The following CSNK2A1 variants were observed in gnomAD, a reference collection of about 807,000 sequenced individuals.
CSNK2A1 encodes the protein casein kinase 2 alpha 1.
A neutral mutation model predicts 62.9 loss-of-function variants in CSNK2A1; 10 were observed. The observed-to-expected ratio is 0.16, with a 90% confidence interval of 0.10 to 0.27. The LOEUF is 0.27. Among genes scored for constraint, CSNK2A1 ranks in the 10% least tolerant of loss-of-function variants. The pLI is 1.00. For synonymous variants in CSNK2A1, 124 were observed against 167.8 expected (o/e 0.74, Z 2.02); for missense variants, 160 against 492.0 (o/e 0.33, Z 6.38).
intron 4 of CSNK2A1, chr20:503,228 T>A: frequency 2.9e-6 from 1 of 347,608 alleles, no homozygotes; most frequent in Non-Finnish European, 5.2e-6. Flanking sequence ...CCGTGCAACC[T>A]TCAACTTCCA....
chr20:492,416 C>T lies in CSNK2A1; in HGVS notation c.511-52G>A, dbSNP rs1476004428. The T allele has an allele frequency of 3.2e-6, 5 of 1,569,720 alleles. No homozygotes were observed. The South Asian group carries it at 4.5e-5, about 14-fold the overall frequency. The stretch of plus-strand genomic sequence containing the variant: ...CTTATCTTTCTCTAAGCTACCCACA[C>T]TGTGCCATTAGCATACTCTTGATAA... On this transcript the variant is annotated intron_variant, in intron 8 of 13. Transcript: ENST00000217244.
At chr20:540,537 C>T (rs1483499140) in intron 1 of CSNK2A1, among the ~76,000 whole-genome samples, 1 of 152,140 alleles carries the variant, frequency 6.6e-6, no homozygotes, top group African/African-American at 2.4e-5. Context: ...AAAGTATGTC[C>T]TAGGCCTTTT....
chr20:506,366 G>A (rs953742114), intron 3 of CSNK2A1: 1 of 152,212 alleles, frequency 6.6e-6, no homozygotes, highest in South Asian at 2.1e-4. Context: ...TCCAGGGCAA[G>A]CTCTGGGGAT....
chr20:536,072 C>A (rs1199642809), intron 1 of CSNK2A1, among the ~76,000 whole-genome samples: 1 of 152,070 alleles, frequency 6.6e-6, no homozygotes, highest in South Asian at 2.1e-4. Context: ...GCAAAAGAAT[C>A]CTAGACTCAC....
intron 2 of CSNK2A1, among the ~76,000 whole-genome samples, chr20:516,562 T>A (rs1212517749): frequency 1.3e-5 from 2 of 152,184 alleles, no homozygotes; most frequent in Non-Finnish European, 2.9e-5. Flanking sequence ...ACAGCAGAAT[T>A]AATTTCAATA....
Position 499,747 on chromosome 20 carries a change from G to A in CSNK2A1, c.315+86C>T. On this transcript the variant is annotated intron_variant, in intron 5 of 13. Coordinates refer to ENST00000217244, the MANE Select transcript of CSNK2A1 (RefSeq NM_177559.3). This position sits in a 1 kb window ranked among gnomAD's most constrained non-coding sequence, Gnocchi z 4.2. ...AGCAGGACTTAATGATGAGGGTTGG[G>A]GGAGGGAACAAAAAGAGGCCAGTTG... 8.1e-7 allele frequency: 1 copy of A among 1,229,846 alleles called. No homozygotes were observed. Among genetic ancestry groups the A allele is most frequent in the Non-Finnish European group, 1.2e-6 (1 of 837,206 alleles). 76.2% of individuals were successfully genotyped at this position (1,229,846 alleles called of 1,614,324 possible). A position where few individuals can be genotyped will look rare whatever the true frequency, so the allele number is the denominator to read the frequency against.
intron 7 of CSNK2A1, among the ~76,000 whole-genome samples, chr20:497,503 G>C (rs1215495692): frequency 1.3e-5 from 2 of 151,576 alleles, no homozygotes; most frequent in Non-Finnish European, 2.9e-5. Flanking sequence ...ACCCAGGCTG[G>C]TCTTTTGATC....
chr20:524,380 C>T (rs1425205412), intron 2 of CSNK2A1, among the ~76,000 whole-genome samples: 2 of 148,076 alleles, frequency 1.4e-5, no homozygotes, highest in Non-Finnish European at 1.5e-5. Context: ...CAAGATAACG[C>T]CATTGCATTC....
intron 1 of CSNK2A1, chr20:540,006 T>A (rs2019413562): frequency 1.3e-5 from 2 of 152,224 alleles, no homozygotes; most frequent in African/African-American, 4.8e-5. Flanking sequence ...CTAGGGAATC[T>A]CCATTCCATT....
chr20:509,861 G>A (rs1191093345), intron 2 of CSNK2A1, among the ~76,000 whole-genome samples: 1 of 152,168 alleles, frequency 6.6e-6, no homozygotes, highest in East Asian at 1.9e-4. Context: ...ACAGATGTGA[G>A]CCACCGCACC....
At chr20:492,183 T>C (rs2018249822) in intron 9 of CSNK2A1, 71 bp downstream of exon 9, 80 of 397,240 alleles carry the variant, frequency 2.0e-4, no homozygotes, top group Non-Finnish European at 2.7e-4. Context: ...AAAATGATAC[T>C]TTTTTTTTTT....
At chr20:524,564 A>G (rs2019029846) in intron 2 of CSNK2A1, among the ~76,000 whole-genome samples, 1 of 149,734 alleles carries the variant, frequency 6.7e-6, no homozygotes, top group South Asian at 2.1e-4. Flanking sequence ...AACAACAACA[A>G]CAACAAAACA....
At chr20:503,560 C>CT (rs1352693257) in intron 4 of CSNK2A1, 1 of 398,530 alleles carries the variant, frequency 2.5e-6, no homozygotes, top group East Asian at 3.6e-5. Flanking sequence ...ACTGGGTGCA[C>CT]TGCCAGCTTG....
chr20:493,400 CTAAA>C (rs2018275940), intron 8 of CSNK2A1, among the ~76,000 whole-genome samples: 2 of 151,730 alleles, frequency 1.3e-5, no homozygotes, highest in Admixed American at 1.3e-4. Flanking sequence ...TTAATAAATA[CTAAA>C]TAGTTTAATA....
chr20:528,715 G>A (rs973058526), intron 1 of CSNK2A1, among the ~76,000 whole-genome samples: 2 of 151,552 alleles, frequency 1.3e-5, no homozygotes, highest in Non-Finnish European at 2.9e-5. Flanking sequence ...TCCTACCTTG[G>A]CCTCCCAACG....
intron 9 of CSNK2A1, among the ~76,000 whole-genome samples, chr20:490,829 C>A (rs1343940898): frequency 6.8e-6 from 1 of 145,988 alleles, no homozygotes; most frequent in South Asian, 2.2e-4. Flanking sequence ...GGTAGGATTA[C>A]AGGCATACAC....
At chr20:509,260 A>G (rs1014631618) in intron 2 of CSNK2A1, among the ~76,000 whole-genome samples, 1 of 152,260 alleles carries the variant, frequency 6.6e-6, no homozygotes, top group Non-Finnish European at 1.5e-5. Flanking sequence ...ACTTGGTTTC[A>G]TTAAATTTAA....
chr20:527,023 G>GAGAGAGAGAGAGAA (rs2019111071), intron 2 of CSNK2A1: 3 of 150,820 alleles, frequency 2.0e-5, no homozygotes, highest in Non-Finnish European at 4.4e-5. Context: ...GAGAGAGAGA[G>GAGAGAGAGAGAGAA]AGAGAGAGAG....
intron 1 of CSNK2A1, among the ~76,000 whole-genome samples, chr20:541,590 A>C (rs1412510926): frequency 6.6e-6 from 1 of 152,230 alleles, no homozygotes; most frequent in East Asian, 1.9e-4. Flanking sequence ...ATGAGTGAGT[A>C]GGAAAAGGAC....
Sources: allele counts gnomAD v4.1 joint callset (sites outside exome capture counted in the v4.1 genomes callset), GRCh38; gene constraint gnomAD v4.1.1; non-coding constraint Gnocchi (gnomAD v3.1); transcripts MANE v1.5; gene names NCBI Gene and HGNC (gene_info 2026-07-23, HGNC 2026-07-21).